The following ZFY variants were observed in gnomAD, a reference collection of about 807,000 sequenced individuals.
ZFY encodes the protein zinc finger protein Y-linked.
For missense variants in ZFY, 113 were observed against 170.9 expected, an observed-to-expected ratio of 0.66 and a Z score of 1.89; for synonymous variants, 47 against 55.8, an observed-to-expected ratio of 0.84 and a Z score of 0.71.
intron 2 of ZFY, among the ~76,000 whole-genome samples, chrY:2,959,491 A>G: frequency 3.0e-5 from 1 of 33,745 alleles, no homozygotes; most frequent in African/African-American, 1.2e-4. Context: ...TTAGACCATT[A>G]TAACCAGTGC....
intron 1 of ZFY, among the ~76,000 whole-genome samples, chrY:2,944,622 C>T: frequency 3.3e-5 from 1 of 29,949 alleles, no homozygotes; most frequent in Non-Finnish European, 7.9e-5. Context: ...GTTAAACTCA[C>T]GTAATGAGGG....
chrY:2,936,956 G>A, intron 1 of ZFY, among the ~76,000 whole-genome samples: 1 of 33,401 alleles, frequency 3.0e-5, no homozygotes, highest in Admixed American at 2.7e-4. Context: ...AGGAATGGGA[G>A]TAGGAGAGGT....
chrY:2,977,180 CAAAAAAAAAAAAAAAAAAAAAAA>C (rs1383315345), intron 6 of ZFY, among the ~76,000 whole-genome samples: 1 of 408 alleles, frequency 2.5e-3, no homozygotes, highest in Non-Finnish European at 4.6e-3. Context: ...GACTCCATCT[CAAAAAAAAAAAAAAAAAAAAAAA>C]AAAAAAAAAA....
At chrY:2,944,736 ATTTTTTTTTTTT>A in intron 1 of ZFY, among the ~76,000 whole-genome samples, 8 of 4,298 alleles carry the variant, frequency 1.9e-3, no homozygotes, top group African/African-American at 0.012. Flanking sequence ...TCTTTTTATG[ATTTTTTTTTTTT>A]TTTTTTTTTT....
At chrY:2,946,175 C>T in intron 1 of ZFY, among the ~76,000 whole-genome samples, 1 of 31,736 alleles carries the variant, frequency 3.2e-5, no homozygotes, top group Admixed American at 2.9e-4. Context: ...GTCTTGAACT[C>T]CTGGGCTCAA....
intron 3 of ZFY, among the ~76,000 whole-genome samples, chrY:2,968,405 G>T (rs2051337135): frequency 3.4e-5 from 1 of 29,136 alleles, no homozygotes; most frequent in Non-Finnish European, 8.2e-5. Context: ...CCGCCTGCTG[G>T]GTTCACGCCA....
intron 1 of ZFY, among the ~76,000 whole-genome samples, chrY:2,943,417 G>A: frequency 2.9e-5 from 1 of 34,136 alleles, no homozygotes; most frequent in African/African-American, 1.1e-4. Flanking sequence ...TTCCTGAATG[G>A]TTGAGATTAC....
chrY:2,939,711 A>AT (rs2051235858), intron 1 of ZFY, among the ~76,000 whole-genome samples: 7 of 33,495 alleles, frequency 2.1e-4, no homozygotes, highest in African/African-American at 4.6e-4. Context: ...CTGAAACCAA[A>AT]TTTATCTGGC....
chrY:2,942,568 A>T, intron 1 of ZFY, among the ~76,000 whole-genome samples: 1 of 27,724 alleles, frequency 3.6e-5, no homozygotes, highest in Non-Finnish European at 8.4e-5. Context: ...ATTCCTGCGT[A>T]AATTTTTCTT....
In ZFY at chrY:2,961,572, T is replaced by C. The variant is rs762889508; in HGVS notation, c.560T>C (p.Ile187Thr). ...LVADCAPEAVIDASGISVDQQ... is the reference protein window; with the variant it reads ...LVADCAPEAVTDASGISVDQQ... The stretch of plus-strand genomic sequence containing the variant: ...GCAGACTGTGCCCCTGAAGCAGTCA[T>C]AGATGCCAGCGGGATCTCAGTGGAC... The change falls in exon 3 of 8, where the codon ATA becomes ACA. Residue 187 changes from isoleucine to threonine, a missense_variant. By Grantham distance (89) the Ile-to-Thr change is moderately conservative (BLOSUM62 -1). Coordinates refer to ENST00000155093, the MANE Select transcript of ZFY (RefSeq NM_003411.4). 2.5e-6 allele frequency: 1 copy of C among 398,963 alleles called. No individual in the cohort carries two copies. Among genetic ancestry groups the C allele is most frequent in the African/African-American group, 6.1e-5 (1 of 16,304 alleles).
At chrY:2,953,288 G>A (rs2051283587) in intron 1 of ZFY, among the ~76,000 whole-genome samples, 1 of 29,131 alleles carries the variant, frequency 3.4e-5, no homozygotes, top group Non-Finnish European at 8.2e-5. Flanking sequence ...GCAGTGAACT[G>A]TGCCACTTAC....
At position 2,979,559 on chromosome Y, in the gene ZFY, C is replaced by T; in HGVS notation, c.1972C>T (p.His658Tyr). The T allele has an allele frequency of 2.5e-6, 1 of 396,951 alleles. No individual in the cohort carries two copies. The highest frequency in any genetic ancestry group is 3.5e-6 in the Non-Finnish European group (1 of 283,288). Residue 658 changes from histidine (H) to tyrosine (Y), a missense_variant, in exon 8 of 8, where the codon CAT (histidine) becomes TAT (tyrosine). Transcript: ENST00000155093. ...TTCAGTTCATACGAAAGACTATCCT[C>T]ATAAGTGTGAGATGTGCGAGAAAGG... ...VISVHTKDYPHKCEMCEKGFH... is the reference protein window; with the variant it reads ...VISVHTKDYPYKCEMCEKGFH...
rs2051392623 is a variant in ZFY, at chrY:2,979,577, G to A, written c.1990G>A (p.Glu664Lys). Residue 664 changes from glutamate (E) to lysine (K), a missense_variant, in exon 8 of 8, where the codon GAG (glutamate) becomes AAG (lysine). Transcript: ENST00000155093. Reference protein sequence around the residue: ...KDYPHKCEMCEKGFHRPSELK... With the variant: ...KDYPHKCEMCKKGFHRPSELK... ...CTATCCTCATAAGTGTGAGATGTGC[G>A]AGAAAGGCTTTCACAGGCCTTCAGA... 2.5e-6 allele frequency: 1 copy of A among 397,009 alleles called. No homozygotes were observed. The highest frequency in any genetic ancestry group is 6.4e-5 in the African/African-American group (1 of 15,693).
Position 2,980,869 on chromosome Y carries a change from A to G in ZFY, c.*876A>G. The G allele has an allele frequency of 1.2e-4, 4 of 33,573 alleles. No individual in the cohort carries two copies. Among genetic ancestry groups the G allele is most frequent in the East Asian group, 7.6e-4 (1 of 1,319 alleles). 8.4% of individuals were successfully genotyped at this position (33,573 alleles called of 400,897 possible). On this transcript the variant is annotated 3_prime_UTR_variant, in exon 8 of 8. Transcript: ENST00000155093. Reference sequence around the variant, plus strand: ...TTTAAACTTATGATGAAAATTTACAATAACCTGAAAGATCCAGAGATGTAT... The same window carrying G: ...TTTAAACTTATGATGAAAATTTACAGTAACCTGAAAGATCCAGAGATGTAT...
At chrY:2,970,155 T>C (rs2051343793) in intron 3 of ZFY, among the ~76,000 whole-genome samples, 1 of 32,549 alleles carries the variant, frequency 3.1e-5, no homozygotes, top group South Asian at 6.9e-4. Flanking sequence ...CCATGAGATA[T>C]TGAGGACAAT....
At chrY:2,942,927 A>G (rs1018135496) in intron 1 of ZFY, among the ~76,000 whole-genome samples, 47 of 33,826 alleles carry the variant, frequency 1.4e-3, no homozygotes, top group Admixed American at 8.0e-4. Context: ...TTGGATAACT[A>G]TACCAAGATG....
At chrY:2,974,121 G>GT (rs2051357569) in intron 3 of ZFY, among the ~76,000 whole-genome samples, 1 of 31,888 alleles carries the variant, frequency 3.1e-5, no homozygotes, top group Non-Finnish European at 7.6e-5. Context: ...AAATGCATGT[G>GT]TGTGTAGTGT....
rs748882400 is a variant in ZFY at position 2,979,118 on chromosome Y, G to A, written c.1531G>A (p.Ala511Thr). Reference protein sequence around the residue: ...THKMVHKEKGANKMHKCKFCE... With the variant: ...THKMVHKEKGTNKMHKCKFCE... ...CAAAATGGTGCATAAGGAAAAAGGGGCCAACAAAATGCACAAGTGTAAATT... is the reference window on the plus strand; with the variant it reads ...CAAAATGGTGCATAAGGAAAAAGGGACCAACAAAATGCACAAGTGTAAATT... Residue 511 changes from alanine to threonine, a missense_variant, in exon 8 of 8, where the codon GCC (alanine) becomes ACC (threonine). By Grantham distance (58) the Ala-to-Thr change is moderately conservative (BLOSUM62 0). Transcript: ENST00000155093. 2 of 399,133 alleles carry A rather than the reference G, an allele frequency of 5.0e-6. No individual in the cohort carries two copies. The highest frequency in any genetic ancestry group is 3.0e-5 in the South Asian group (1 of 33,800).
intron 1 of ZFY, among the ~76,000 whole-genome samples, chrY:2,948,341 A>G (rs2051268150): frequency 5.9e-5 from 2 of 34,126 alleles, no homozygotes; most frequent in African/African-American, 1.1e-4. Flanking sequence ...GTTGGTTTAT[A>G]CAAAGGGCTT....
Sources: allele counts gnomAD v4.1 joint callset (sites outside exome capture counted in the v4.1 genomes callset), GRCh38; gene constraint gnomAD v4.1.1; transcripts MANE v1.5; gene names NCBI Gene and HGNC (gene_info 2026-07-23, HGNC 2026-07-21).